TENM1: variants seen among roughly 807,000 people sequenced by gnomAD.
TENM1 encodes the protein teneurin-1.
TENM1 carries 35 observed loss-of-function variants against 174.8 expected under a neutral mutation model. The ratio of observed to expected loss-of-function variants is 0.20; its 90% CI spans 0.15 to 0.27. The LOEUF (loss-of-function observed/expected upper bound fraction) is 0.27, where lower values mean the gene tolerates loss of function less well. Among genes scored for constraint, TENM1 ranks in the 10% least tolerant of loss-of-function variants. The probability of loss-of-function intolerance (pLI) is 1.00; values close to 1 mark genes in which losing one functional copy is unlikely to be tolerated. For synonymous variants in TENM1, 781 were observed against 798.7 expected, an observed-to-expected ratio of 0.98 and a Z score of 0.37; for missense variants, 1,633 against 2,130.1, an observed-to-expected ratio of 0.77 and a Z score of 4.59.
At chrX:124,587,507 T>A (rs1298349258) in intron 11 of TENM1, among the ~76,000 whole-genome samples, 2 of 110,863 alleles carry the variant, frequency 1.8e-5, no homozygotes, top group Admixed American at 9.6e-5. Flanking sequence ...TGAAACTGGA[T>A]CCCTTCCTTA....
chrX:124,653,787 G>A lies in TENM1; in HGVS notation c.1169-4C>T. The A allele has an allele frequency of 8.4e-7, 1 of 1,191,771 alleles. No individual in the cohort carries two copies. The highest frequency in any genetic ancestry group is 3.0e-5 in the East Asian group (1 of 33,720). On this transcript the variant is annotated splice_region_variant and splice_polypyrimidine_tract_variant and intron_variant, in intron 6 of 31. Transcript: ENST00000422452. ...ATCGCCCGTCCCTTCTGAAACACTA[G>A]TTTTAAAGGTAGAGAAAATTACACA...
intron 1 of TENM1, among the ~76,000 whole-genome samples, chrX:124,945,499 G>A (rs2058389053): frequency 2.7e-5 from 3 of 111,332 alleles, no homozygotes; most frequent in Non-Finnish European, 5.7e-5. Flanking sequence ...AAATCAATAT[G>A]AGAACTGATG....
chrX:124,561,786 T>G (rs376426403), exon 14 of TENM1: 1 of 1,209,234 alleles, frequency 8.3e-7, no homozygotes, highest in Non-Finnish European at 1.1e-6. Flanking sequence ...GGGTACATCG[T>G]CCATTTCCAA....
chrX:124,416,540 T>C lies in TENM1; in HGVS notation c.4982+3771A>G, dbSNP rs779081400. On this transcript the variant is annotated intron_variant, in intron 25 of 31. Transcript: ENST00000422452. ...TATATTTCTCAGCTATTATAAATAA[T>C]GTTGCTATGAAAATTTGTGTATCCA... Among the ~76,000 whole-genome samples the C allele has an allele frequency of 2.1e-3, 231 of 112,217 alleles. 1 individual carries two copies. Among genetic ancestry groups the C allele is most frequent in the Non-Finnish European group, 2.9e-3 (157 of 53,285 alleles).
At chrX:124,517,669 G>A (rs965324470) in intron 18 of TENM1, among the ~76,000 whole-genome samples, 3 of 78,220 alleles carry the variant, frequency 3.8e-5, no homozygotes, top group African/African-American at 1.4e-4. Flanking sequence ...GTTGTGGGGT[G>A]GGGGGAGGGG....
intron 15 of TENM1, among the ~76,000 whole-genome samples, chrX:124,530,514 T>C (rs915660388): frequency 9.0e-6 from 1 of 111,507 alleles, no homozygotes; most frequent in African/African-American, 3.3e-5. Context: ...CTTCTTGGTG[T>C]TCTCATCAGA....
At chrX:124,736,459 A>G (rs1177758786) in intron 4 of TENM1, among the ~76,000 whole-genome samples, 1 of 110,868 alleles carries the variant, frequency 9.0e-6, no homozygotes, top group Admixed American at 9.6e-5. Context: ...AAACTTACAC[A>G]TATACTTCCA....
rs1230401248 is a variant in TENM1 at position 124,628,491 on chromosome X, A to AAAATATCAT, written c.2077+13291_2077+13299dup. Among the ~76,000 whole-genome samples the AAAATATCAT allele has an allele frequency of 2.7e-5, 3 of 111,563 alleles. No homozygotes were observed. In the Admixed American group the frequency reaches 2.9e-4, roughly 11 times the overall value. On this transcript the variant is annotated intron_variant, in intron 11 of 31. Transcript: ENST00000422452. ...ATATTTTATTTAGCCCAATATATCCAAAATATCATTTCATAATGTAATCAA... is the reference window on the plus strand; with the variant it reads ...ATATTTTATTTAGCCCAATATATCCAAAATATCATAAATATCATTTCATAATGTAATCAA...
chrX:124,514,369 T>C (rs762145337), intron 18 of TENM1, among the ~76,000 whole-genome samples: 172 of 110,775 alleles, frequency 1.6e-3, no homozygotes, highest in Non-Finnish European at 2.7e-3. Context: ...TCATAAAGAA[T>C]TAGAAAATAT....
At chrX:124,791,504 A>C (rs992157831) in intron 3 of TENM1, among the ~76,000 whole-genome samples, 3 of 112,096 alleles carry the variant, frequency 2.7e-5, no homozygotes, top group African/African-American at 9.7e-5. Flanking sequence ...TTTAATATGC[A>C]TGGACAAAAA....
chrX:125,201,123 G>A, the TENM1 span, among the ~76,000 whole-genome samples: 1 of 111,973 alleles, frequency 8.9e-6, no homozygotes, highest in African/African-American at 3.2e-5. Flanking sequence ...AAGTAATATT[G>A]TATAGAATAA....
intron 22 of TENM1, among the ~76,000 whole-genome samples, chrX:124,479,460 T>C (rs747535232): frequency 2.0e-4 from 22 of 111,796 alleles, no homozygotes; most frequent in Non-Finnish European, 4.0e-4. Flanking sequence ...GAAAATGTAG[T>C]AGTGGCTATG....
chrX:125,023,456 C>T, the TENM1 span, among the ~76,000 whole-genome samples: 1 of 110,969 alleles, frequency 9.0e-6, no homozygotes, highest in Non-Finnish European at 1.9e-5. Flanking sequence ...TGGACTAATA[C>T]ACTAGCCAAG....
the TENM1 span, among the ~76,000 whole-genome samples, chrX:125,098,397 A>G: frequency 6.2e-5 from 7 of 112,394 alleles, no homozygotes; most frequent in African/African-American, 2.3e-4. Context: ...AAATTAATGA[A>G]TGAAGCTTCA....
At chrX:125,122,303 C>T in the TENM1 span, among the ~76,000 whole-genome samples, 1 of 110,981 alleles carries the variant, frequency 9.0e-6, no homozygotes. Context: ...TCAAAATAGT[C>T]ATGTTAAACA....
At chrX:124,906,802 A>C (rs2057755950) in intron 1 of TENM1, among the ~76,000 whole-genome samples, 2 of 112,019 alleles carry the variant, frequency 1.8e-5, no homozygotes, top group South Asian at 7.5e-4. Context: ...GCTGAGTTAA[A>C]GAGGCCAAAT....
At chrX:125,016,060 T>A in the TENM1 span, among the ~76,000 whole-genome samples, 2 of 110,973 alleles carry the variant, frequency 1.8e-5, no homozygotes, top group African/African-American at 6.5e-5. Context: ...CTCCAAAAAT[T>A]TTTTTTTATC....
chrX:125,112,925 G>C, the TENM1 span, among the ~76,000 whole-genome samples: 217 of 110,561 alleles, frequency 2.0e-3, 1 homozygote, highest in African/African-American at 6.8e-3. Flanking sequence ...AATCTCCCCA[G>C]GCTCTTGTGG....
chrX:124,561,524 A>T (rs2048818782), intron 14 of TENM1, 147 bp downstream of exon 17: 4 of 652,706 alleles, frequency 6.1e-6, no homozygotes, highest in Middle Eastern at 3.8e-4. Flanking sequence ...TCTTAATGTG[A>T]TTGAGACTAA....
Sources: allele counts gnomAD v4.1 joint callset (sites outside exome capture counted in the v4.1 genomes callset), GRCh38; gene constraint gnomAD v4.1.1; transcripts MANE v1.5; gene names NCBI Gene and HGNC (gene_info 2026-07-23, HGNC 2026-07-21).